The following ROCK2 variants were observed in gnomAD, a reference collection of about 807,000 sequenced individuals.
ROCK2 encodes Rho associated coiled-coil containing protein kinase 2, also known as rho-associated protein kinase 2.
A neutral mutation model predicts 195.1 loss-of-function variants in ROCK2; 61 were observed. The observed-to-expected ratio is 0.31, with a 90% CI of 0.25 to 0.39. The LOEUF is 0.39. Ranked by LOEUF, ROCK2 falls within the 10% of genes least tolerant of loss-of-function variation. ROCK2 has a pLI of 1.00. For synonymous variants in ROCK2, 504 were observed against 545.5 expected, an observed-to-expected ratio of 0.92 and a Z score of 1.06; for missense variants, 1,109 against 1,637.4, an observed-to-expected ratio of 0.68 and a Z score of 5.57.
rs756256527 is a variant in ROCK2 at position 11,344,104 on chromosome 2, G to A, written c.33C>T (p.Pro11=). The change falls in exon 1 of 33, where the codon CCC becomes CCT. Residue 11 remains proline (P), a synonymous_variant. Coordinates refer to ENST00000315872, the MANE Select transcript of ROCK2 (RefSeq NM_004850.5). This position sits in a 1 kb window ranked among gnomAD's most constrained non-coding sequence, Gnocchi z 5.4. The part of the protein sequence containing the change: MSRPPPTGKM[P]GAPETAPGDG... ...CCCCCGGCGCGGTCTCGGGGGCGCC[G>A]GGCATTTTCCCCGTCGGCGGGGGCC... 3.3e-6 allele frequency: 5 copies of A among 1,509,010 alleles called. No individual in the cohort carries two copies. The highest frequency in any genetic ancestry group is 2.7e-5 in the East Asian group (1 of 37,446). The allele number at this position is 1,509,010 out of a possible 1,614,324, so 93.5% of individuals were successfully genotyped here.
chr2:11,231,802 A>C (rs1417312641), intron 5 of ROCK2, among the ~76,000 whole-genome samples: 1 of 152,168 alleles, frequency 6.6e-6, no homozygotes, highest in African/African-American at 2.4e-5. Context: ...TGATAGTGAC[A>C]AATCATTTTA....
At chr2:11,187,762 G>C (rs550886133) in intron 32 of ROCK2, among the ~76,000 whole-genome samples, 40 of 151,956 alleles carry the variant, frequency 2.6e-4, no homozygotes, top group Non-Finnish European at 5.4e-4. Flanking sequence ...TTTATTATTT[G>C]GAAGTTCTTC....
At position 11,183,407 on chromosome 2, in the gene ROCK2, T is replaced by C. The variant is rs371132266; in HGVS notation, c.*30A>G. On this transcript the variant is annotated 3_prime_UTR_variant, in exon 33 of 33. Coordinates refer to ENST00000315872, the MANE Select transcript of ROCK2 (RefSeq NM_004850.5). The stretch of plus-strand genomic sequence containing the variant: ...TTTTCACTGGAAGAATACGATCACC[T>C]TGAATAATGACTGCTTTCATAGAAG... 1.1e-4 allele frequency: 180 copies of C among 1,586,192 alleles called. No homozygotes were observed. Among genetic ancestry groups the C allele is most frequent in the Non-Finnish European group, 1.4e-4 (167 of 1,163,396 alleles).
intron 1 of ROCK2, among the ~76,000 whole-genome samples, chr2:11,299,805 T>C (rs1011518919): frequency 7.9e-5 from 12 of 152,186 alleles, no homozygotes; most frequent in Admixed American, 1.3e-4. Context: ...AATGTTCTTC[T>C]CAACAGAAAC....
At chr2:11,334,109 G>C (rs889384136) in intron 1 of ROCK2, among the ~76,000 whole-genome samples, 7 of 152,060 alleles carry the variant, frequency 4.6e-5, no homozygotes, top group African/African-American at 1.4e-4. Flanking sequence ...CTTTCCTATG[G>C]ATAGATAAGA....
chr2:11,314,973 C>A (rs1668146452), intron 1 of ROCK2, among the ~76,000 whole-genome samples: 1 of 151,960 alleles, frequency 6.6e-6, no homozygotes, highest in Non-Finnish European at 1.5e-5. Flanking sequence ...AATGAAAAAT[C>A]CAATTATCTA....
upstream of ROCK2, among the ~76,000 whole-genome samples, chr2:11,345,407 C>G (rs748897711): frequency 8.5e-5 from 13 of 152,182 alleles, no homozygotes; most frequent in South Asian, 2.1e-4. Context: ...TCTCGGCGGC[C>G]GGTGCCATCG....
intron 1 of ROCK2, among the ~76,000 whole-genome samples, chr2:11,326,263 CAGA>C (rs1368836178): frequency 3.3e-5 from 5 of 151,808 alleles, no homozygotes; most frequent in Non-Finnish European, 5.9e-5. Context: ...TTCCATTTGG[CAGA>C]AGAAGAGAAG....
At chr2:11,312,516 T>C (rs1668068224) in intron 1 of ROCK2, among the ~76,000 whole-genome samples, 1 of 152,190 alleles carries the variant, frequency 6.6e-6, no homozygotes, top group South Asian at 2.1e-4. Flanking sequence ...TTGAAGTTTA[T>C]ATAATTAATG....
intron 32 of ROCK2, among the ~76,000 whole-genome samples, chr2:11,191,192 A>T (rs1001551913): frequency 6.6e-6 from 1 of 152,212 alleles, no homozygotes; most frequent in African/African-American, 2.4e-5. Context: ...TAGCTAACCA[A>T]ATTCTTGTGT....
At chr2:11,226,636 G>T (rs567589316) in intron 6 of ROCK2, among the ~76,000 whole-genome samples, 50 of 151,972 alleles carry the variant, frequency 3.3e-4, no homozygotes, top group Admixed American at 4.6e-4. Flanking sequence ...AGAGGGCTAG[G>T]TGTGGTGGTT....
chr2:11,210,750 T>C (rs562215374), intron 18 of ROCK2, among the ~76,000 whole-genome samples: 5 of 152,344 alleles, frequency 3.3e-5, no homozygotes, highest in South Asian at 2.1e-4. Context: ...ATGAAAATAA[T>C]TGAACTCTGT....
At chr2:11,316,443 C>T (rs1668194566) in intron 1 of ROCK2, among the ~76,000 whole-genome samples, 1 of 152,102 alleles carries the variant, frequency 6.6e-6, no homozygotes, top group South Asian at 2.1e-4. Context: ...AATATATTAA[C>T]AGCTGAGAAT....
Position 11,221,189 on chromosome 2 carries a change from A to G in ROCK2, c.1259+9T>C. On this transcript the variant is annotated intron_variant, in intron 9 of 32. Transcript: ENST00000315872. ...AACAGTAAAATTTAACAAATAATAA[A>G]CCACATACAAATTTTCTCTATAGTA... is the stretch of plus-strand genomic sequence containing the variant. 2.6e-6 allele frequency: 4 copies of G among 1,528,718 alleles called. No individual in the cohort carries two copies. Among genetic ancestry groups the G allele is most frequent in the Non-Finnish European group, 3.5e-6 (4 of 1,144,564 alleles). The allele number at this position is 1,528,718 out of a possible 1,614,324, so 94.7% of individuals were successfully genotyped here. A position where few individuals can be genotyped will look rare whatever the true frequency, so the allele number is the denominator to read the frequency against.
In ROCK2 at chr2:11,179,771, T is replaced by C. The variant is rs1662898557; in HGVS notation, c.*3666A>G. 1.3e-5 allele frequency: 2 copies of C among 152,236 alleles called. No individual in the cohort carries two copies. Among genetic ancestry groups the C allele is most frequent in the Admixed American group, 6.5e-5 (1 of 15,288 alleles). 9.4% of individuals were successfully genotyped at this position (152,236 alleles called of 1,614,324 possible). A position where few individuals can be genotyped will look rare whatever the true frequency, so the allele number is the denominator to read the frequency against. ...CACAGGAGAAGTATGAAAATGCTTA[T>C]GTCTCCATTTATTTTATTTTATTTT... On this transcript the variant is annotated 3_prime_UTR_variant, in exon 33 of 33. Transcript: ENST00000315872.
intron 1 of ROCK2, among the ~76,000 whole-genome samples, chr2:11,305,473 A>G (rs1667831145): frequency 6.8e-6 from 1 of 147,206 alleles, no homozygotes; most frequent in Non-Finnish European, 1.5e-5. Flanking sequence ...ACACACACAC[A>G]CACACTTACG....
chr2:11,344,825 C>G (rs570007205), upstream of ROCK2, among the ~76,000 whole-genome samples: 1 of 150,818 alleles, frequency 6.6e-6, no homozygotes, highest in African/African-American at 2.4e-5. This position sits in a 1 kb window ranked among gnomAD's most constrained non-coding sequence, Gnocchi z 5.4. Context: ...CTCGCCTCCT[C>G]CCCCTGGCGA....
chr2:11,258,805 T>C (rs901736393), intron 3 of ROCK2, among the ~76,000 whole-genome samples: 2 of 150,738 alleles, frequency 1.3e-5, no homozygotes, highest in African/African-American at 2.5e-5. Flanking sequence ...CTAAGGTATA[T>C]GTGAAAGTGT....
At chr2:11,252,002 T>A (rs1325987326) in intron 3 of ROCK2, among the ~76,000 whole-genome samples, 2 of 151,920 alleles carry the variant, frequency 1.3e-5, no homozygotes, top group African/African-American at 2.4e-5. Flanking sequence ...CATTAAAAAG[T>A]CAGGAAACAA....
Sources: allele counts gnomAD v4.1 joint callset (sites outside exome capture counted in the v4.1 genomes callset), GRCh38; gene constraint gnomAD v4.1.1; non-coding constraint Gnocchi (gnomAD v3.1); transcripts MANE v1.5; gene names NCBI Gene and HGNC (gene_info 2026-07-23, HGNC 2026-07-21).